The following ABCA1 variants were observed in gnomAD, a reference collection of about 807,000 sequenced individuals.
ABCA1 encodes phospholipid-transporting ATPase ABCA1.
ABCA1 carries 133 observed loss-of-function variants against 262.5 expected under a neutral mutation model. The ratio of observed to expected loss-of-function variants is 0.51; its 90% CI spans 0.44 to 0.59. The LOEUF is 0.59. ABCA1 is among the 20% of genes least tolerant of loss of function. ABCA1 has a pLI of 0.00. For synonymous variants in ABCA1, 1,022 were observed against 1,043.5 expected (o/e 0.98, Z 0.40); for missense variants, 2,452 against 2,777.5 (o/e 0.88, Z 2.63).
chr9:104,815,919 C>T (rs1831711329), intron 25 of ABCA1, among the ~76,000 whole-genome samples: 1 of 152,198 alleles, frequency 6.6e-6, no homozygotes, highest in African/African-American at 2.4e-5. Context: ...GGTTTCAACA[C>T]ACAAATCTCA....
chr9:104,845,579 G>C lies in ABCA1; in HGVS notation c.721-10C>G. 6.3e-7 allele frequency: 1 copy of C among 1,587,384 alleles called. No individual in the cohort carries two copies. Among genetic ancestry groups the C allele is most frequent in the Non-Finnish European group, 8.6e-7 (1 of 1,156,982 alleles). On this transcript the variant is annotated splice_polypyrimidine_tract_variant and intron_variant, in intron 7 of 49. Coordinates refer to ENST00000374736, the MANE Select transcript of ABCA1 (RefSeq NM_005502.4). ...TAGAGTTTAGTGTTCTCTGTAATGAGAAAGAAAACTTTGTTTCTGAATTCA... is the reference window on the plus strand; with the variant it reads ...TAGAGTTTAGTGTTCTCTGTAATGACAAAGAAAACTTTGTTTCTGAATTCA...
intron 8 of ABCA1, 29 bp from the exon 9 acceptor site, chr9:104,840,548 G>A (rs369578104): frequency 1.9e-6 from 3 of 1,605,818 alleles, no homozygotes; most frequent in African/African-American, 1.3e-5. Flanking sequence ...ACAGAAAGGA[G>A]GGTAGGGGAA....
At chr9:104,872,667 G>A (rs906312386) in intron 5 of ABCA1, among the ~76,000 whole-genome samples, 16 of 152,112 alleles carry the variant, frequency 1.1e-4, no homozygotes, top group African/African-American at 3.9e-4. Context: ...GAATAGTGTC[G>A]CACTGAGATT....
Position 104,828,912 on chromosome 9 carries a change from T to C in ABCA1, c.2115+4A>G. On this transcript the variant is annotated splice_donor_region_variant and intron_variant, in intron 15 of 49. Coordinates refer to ENST00000374736, the MANE Select transcript of ABCA1 (RefSeq NM_005502.4). ...GCAGGGAAGAGCGAGTGAGGCTGCCTTACCTTCAGGATGACCACTAGCAGG... is the reference window on the plus strand; with the variant it reads ...GCAGGGAAGAGCGAGTGAGGCTGCCCTACCTTCAGGATGACCACTAGCAGG... 1 of 1,614,008 alleles carries C rather than the reference T, an allele frequency of 6.2e-7. No individual in the cohort carries two copies. Among genetic ancestry groups the C allele is most frequent in the Non-Finnish European group, 8.5e-7 (1 of 1,179,964 alleles).
Position 104,880,966 on chromosome 9 carries a change from T to C in ABCA1, c.421+2073A>G, listed in dbSNP as rs749995994. On this transcript the variant is annotated intron_variant, in intron 5 of 49. Coordinates refer to ENST00000374736, the MANE Select transcript of ABCA1 (RefSeq NM_005502.4). Reference sequence around the variant, plus strand: ...GAGATCGAGACCATCCTGGCCAACATGGTGAAATCTCATCTCTACTAAAAA... The same window carrying C: ...GAGATCGAGACCATCCTGGCCAACACGGTGAAATCTCATCTCTACTAAAAA... 5.3e-5 allele frequency among the ~76,000 whole-genome samples: 8 copies of C among 152,160 alleles called. No homozygotes were observed. The East Asian group carries it at 5.8e-4, about 11-fold the overall frequency.
chr9:104,895,307 A>G (rs1398815176), intron 2 of ABCA1, among the ~76,000 whole-genome samples: 2 of 152,254 alleles, frequency 1.3e-5, no homozygotes, highest in African/African-American at 2.4e-5. Flanking sequence ...GGATAATATG[A>G]GCAGGCACTG....
chr9:104,906,150 C>T (rs1841118576), intron 1 of ABCA1, among the ~76,000 whole-genome samples: 1 of 152,192 alleles, frequency 6.6e-6, no homozygotes, highest in Admixed American at 6.5e-5. Flanking sequence ...TGGTTATATC[C>T]TGTCCAAACA....
intron 43 of ABCA1, 146 bp downstream of exon 43, chr9:104,791,790 C>A (rs1829449978): frequency 6.7e-6 from 5 of 750,330 alleles, no homozygotes; most frequent in Admixed American, 2.1e-5. Context: ...GGGTCCCTCT[C>A]TTCTCGATGA....
At chr9:104,895,524 G>C (rs1840123939) in intron 2 of ABCA1, among the ~76,000 whole-genome samples, 1 of 152,162 alleles carries the variant, frequency 6.6e-6, no homozygotes. Flanking sequence ...GGGTGGGGTA[G>C]GGGGATAACC....
chr9:104,909,782 T>A (rs1178122234), intron 1 of ABCA1, among the ~76,000 whole-genome samples: 1 of 151,738 alleles, frequency 6.6e-6, no homozygotes, highest in Non-Finnish European at 1.5e-5. Flanking sequence ...CCAGGAGAGA[T>A]GAGAGATGAG....
rs754606021 is a variant in ABCA1, at chr9:104,793,138, C to G, written c.5636+33G>C. On this transcript the variant is annotated intron_variant, in intron 41 of 49. Transcript: ENST00000374736. ...GTGCGCCTCCTCTGTGACCCTCAAC[C>G]AGGTGCTCCACGGGTTCTAAGAAAA... 2.5e-6 allele frequency: 4 copies of G among 1,613,488 alleles called. No individual in the cohort carries two copies. In the East Asian group the frequency reaches 8.9e-5, roughly 36 times the overall value.
At chr9:104,907,105 A>T (rs750519015) in intron 1 of ABCA1, among the ~76,000 whole-genome samples, 1 of 152,192 alleles carries the variant, frequency 6.6e-6, no homozygotes, top group Non-Finnish European at 1.5e-5. Context: ...CTGTGACTCC[A>T]GCCTACTCTC....
chr9:104,786,097 T>C (rs1208944254), intron 48 of ABCA1, among the ~76,000 whole-genome samples: 2 of 152,224 alleles, frequency 1.3e-5, no homozygotes, highest in African/African-American at 4.8e-5. Context: ...GTTAAGTCAC[T>C]TGCCCAAGAG....
intron 15 of ABCA1, among the ~76,000 whole-genome samples, chr9:104,828,105 C>T (rs1832954743): frequency 6.6e-6 from 1 of 152,188 alleles, no homozygotes; most frequent in Non-Finnish European, 1.5e-5. Flanking sequence ...GGTTCAGACA[C>T]AAAACTGCAC....
chr9:104,895,864 G>A (rs557625449), intron 2 of ABCA1, among the ~76,000 whole-genome samples: 31 of 152,260 alleles, frequency 2.0e-4, no homozygotes, highest in African/African-American at 6.3e-4. Flanking sequence ...TTCAAGGTTA[G>A]GGCAGCGCAA....
At chr9:104,849,210 G>GCC (rs1403763440) in intron 7 of ABCA1, among the ~76,000 whole-genome samples, 1 of 152,186 alleles carries the variant, frequency 6.6e-6, no homozygotes, top group Non-Finnish European at 1.5e-5. Context: ...ACACAGCAGG[G>GCC]CCTAAAGCAT....
intron 5 of ABCA1, among the ~76,000 whole-genome samples, chr9:104,871,987 T>A (rs1414681367): frequency 1.3e-5 from 2 of 152,160 alleles, no homozygotes; most frequent in African/African-American, 4.8e-5. Context: ...GGGGATGAGA[T>A]TCTTCCTAAG....
At chr9:104,792,115 C>A (rs1259068212) in intron 42 of ABCA1, 117 bp from the exon 43 acceptor site, 2 of 939,980 alleles carry the variant, frequency 2.1e-6, no homozygotes, top group East Asian at 2.6e-5. Flanking sequence ...TGTCAATAAC[C>A]CTAAGCCATA....
At chr9:104,798,269 A>G (rs1830064036) in intron 37 of ABCA1, 152 bp downstream of exon 37, 3 of 895,936 alleles carry the variant, frequency 3.3e-6, no homozygotes, top group Non-Finnish European at 5.3e-6. Flanking sequence ...GGTGTCATGA[A>G]AGTGATCACC....
Sources: gnomAD v4.1 joint callset for allele counts (sites outside exome capture counted in the v4.1 genomes callset) on GRCh38, gnomAD v4.1.1 for gene constraint, MANE v1.5 for transcripts, NCBI Gene and HGNC (gene_info 2026-07-23, HGNC 2026-07-21) for gene names.